The following TNS3 variants were observed in gnomAD, a reference collection of about 807,000 sequenced individuals.
The protein encoded by TNS3 is tensin 3, also known as tensin-3.
In TNS3, 45 loss-of-function variants were observed where a neutral mutation model predicts 140.9. The observed-to-expected ratio is 0.32, with a 90% CI of 0.25 to 0.41. TNS3 has a LOEUF of 0.41. Ranked by LOEUF, TNS3 falls within the 10% of genes least tolerant of loss-of-function variation. The pLI is 1.00. For synonymous variants in TNS3, 815 were observed against 788.4 expected (o/e 1.03, Z -0.56); for missense variants, 1,716 against 1,906.7 (o/e 0.90, Z 1.86).
chr7:47,529,188 T>C (rs976633971), intron 1 of TNS3, 41 bp from the exon 2 acceptor site: 4 of 1,087,566 alleles, frequency 3.7e-6, no homozygotes, highest in Non-Finnish European at 4.8e-6. Flanking sequence ...TTTCATCTCA[T>C]AGTTTGTTTC....
At chr7:47,415,294 G>A (rs1349475417) in intron 10 of TNS3, 88 bp from the exon 11 acceptor site, 2 of 889,198 alleles carry the variant, frequency 2.2e-6, no homozygotes, top group South Asian at 1.6e-5. Context: ...CATCCTGGCT[G>A]AGTCTGGGGC....
rs920109588 is a variant in TNS3 at position 47,407,353 on chromosome 7, T to A, written c.723+4374A>T. ...ACCTTCTGCCATGCTCAGTTCCACCTGCCCTAGCTATCTGCATGCTCATCT... is the reference window on the plus strand; with the variant it reads ...ACCTTCTGCCATGCTCAGTTCCACCAGCCCTAGCTATCTGCATGCTCATCT... On this transcript the variant is annotated intron_variant, in intron 13 of 30. Coordinates refer to ENST00000311160, the MANE Select transcript of TNS3 (RefSeq NM_022748.12). This position sits in a 1 kb window ranked among gnomAD's most constrained non-coding sequence, Gnocchi z 4.1. Among the ~76,000 whole-genome samples the A allele has an allele frequency of 4.6e-5, 7 of 152,202 alleles. No homozygotes were observed. Among genetic ancestry groups the A allele is most frequent in the African/African-American group, 1.4e-4 (6 of 41,466 alleles).
At chr7:47,462,844 G>A (rs760637853) in intron 4 of TNS3, among the ~76,000 whole-genome samples, 14 of 152,206 alleles carry the variant, frequency 9.2e-5, no homozygotes, top group South Asian at 2.1e-4. Context: ...CTGCCTCTCC[G>A]GTTTGTAAGC....
chr7:47,414,950 C>T (rs1793993214), intron 11 of TNS3, 144 bp downstream of exon 11: 2 of 636,948 alleles, frequency 3.1e-6, no homozygotes, highest in Non-Finnish European at 5.4e-6. Flanking sequence ...TGAAGGGGGA[C>T]CCAGTCAATC....
intron 10 of TNS3, among the ~76,000 whole-genome samples, chr7:47,420,733 C>T (rs1294553391): frequency 3.3e-5 from 5 of 152,160 alleles, no homozygotes; most frequent in Non-Finnish European, 7.3e-5. Flanking sequence ...TGTTCTAAAG[C>T]CTTTTAAAAT....
At chr7:47,278,282 C>T (rs1784961293) in intron 30 of TNS3, 62 bp from the exon 31 acceptor site, 4 of 1,551,514 alleles carry the variant, frequency 2.6e-6, no homozygotes, top group Middle Eastern at 2.2e-4. Flanking sequence ...CTTCTACTTC[C>T]TCCAGCTGCC....
chr7:47,511,560 C>T (rs767509439), intron 2 of TNS3, among the ~76,000 whole-genome samples: 14 of 138,778 alleles, frequency 1.0e-4, no homozygotes, highest in Non-Finnish European at 2.0e-4. Context: ...GACAAGAGCC[C>T]TTTAGGGTCT....
intron 13 of TNS3, among the ~76,000 whole-genome samples, chr7:47,411,481 C>T (rs1793764427): frequency 2.0e-5 from 3 of 152,210 alleles, no homozygotes; most frequent in African/African-American, 7.2e-5. Flanking sequence ...CGCCGCTGAT[C>T]TGACGGGAGG....
intron 13 of TNS3, among the ~76,000 whole-genome samples, chr7:47,409,331 G>GC (rs1793628046): frequency 6.8e-6 from 1 of 147,826 alleles, no homozygotes; most frequent in South Asian, 2.1e-4. Flanking sequence ...AGGGGAGAGG[G>GC]CCCCGCCTGG....
chr7:47,405,599 G>A (rs897796018), intron 13 of TNS3: 13 of 702,784 alleles, frequency 1.8e-5, no homozygotes, highest in Middle Eastern at 2.3e-4. Flanking sequence ...GGCTGCAAAC[G>A]AAAACACAAC....
chr7:47,383,920 G>A (rs1791920832), intron 16 of TNS3, among the ~76,000 whole-genome samples: 1 of 152,158 alleles, frequency 6.6e-6, no homozygotes, highest in Admixed American at 6.5e-5. Flanking sequence ...CTGGACTGCA[G>A]GTCAGAAAGT....
chr7:47,366,299 C>T (rs568216833), intron 17 of TNS3, among the ~76,000 whole-genome samples: 196 of 152,278 alleles, frequency 1.3e-3, no homozygotes, highest in African/African-American at 4.5e-3. Flanking sequence ...GTCCAATAAT[C>T]TACTCATGGG....
intron 1 of TNS3, among the ~76,000 whole-genome samples, chr7:47,557,372 T>C (rs1259929450): frequency 6.6e-6 from 1 of 152,166 alleles, no homozygotes; most frequent in African/African-American, 2.4e-5. Context: ...AAATGGACCT[T>C]TCTGTCCCAA....
intron 13 of TNS3, among the ~76,000 whole-genome samples, chr7:47,410,487 A>C (rs1468255883): frequency 6.6e-6 from 1 of 152,270 alleles, no homozygotes; most frequent in East Asian, 1.9e-4. Flanking sequence ...AGCATGTGAA[A>C]CAGGACAGAC....
At chr7:47,409,697 G>A (rs1793658069) in intron 13 of TNS3, among the ~76,000 whole-genome samples, 2 of 151,828 alleles carry the variant, frequency 1.3e-5, no homozygotes, top group South Asian at 2.1e-4. Flanking sequence ...TCGCTCTGTC[G>A]CCCAGGCTGG....
intron 22 of TNS3, among the ~76,000 whole-genome samples, chr7:47,302,636 G>A (rs1203335081): frequency 6.6e-6 from 1 of 152,198 alleles, no homozygotes; most frequent in Non-Finnish European, 1.5e-5. Context: ...AATTTGACAA[G>A]GAATTTGTTA....
At chr7:47,300,253 T>C (rs1786315360) in intron 23 of TNS3, among the ~76,000 whole-genome samples, 1 of 152,182 alleles carries the variant, frequency 6.6e-6, no homozygotes, top group Admixed American at 6.5e-5. Flanking sequence ...AGAAGGTTCG[T>C]CTGCACAGGT....
At position 47,276,593 on chromosome 7, in the gene TNS3, C is replaced by T. The variant is rs902692002; in HGVS notation, c.*1483G>A. The T allele has an allele frequency of 6.6e-6, 1 of 152,190 alleles. No homozygotes were observed. Among genetic ancestry groups the T allele is most frequent in the Admixed American group, 6.6e-5 (1 of 15,266 alleles). 9.4% of individuals were successfully genotyped at this position (152,190 alleles called of 1,614,324 possible). On this transcript the variant is annotated 3_prime_UTR_variant, in exon 31 of 31. Coordinates refer to ENST00000311160, the MANE Select transcript of TNS3 (RefSeq NM_022748.12). ...AGGCTGTGAGAGGATGGGGCCAAGG[C>T]CTTATTCTGATGTGGCCCAGCTCCA...
rs1562745639 is a variant in TNS3, at chr7:47,275,786, C to T, written c.*2290G>A. 2.2e-6 allele frequency: 1 copy of T among 455,564 alleles called. No homozygotes were observed. Among genetic ancestry groups the T allele is most frequent in the East Asian group, 7.0e-5 (1 of 14,388 alleles). 28.2% of individuals were successfully genotyped at this position (455,564 alleles called of 1,614,324 possible). A position where few individuals can be genotyped will look rare whatever the true frequency, so the allele number is the denominator to read the frequency against. ...GACCACGTTTACCTTGTGTAAAAAT[C>T]ACACCTGGCCAATGAGTTCAAAAAG... On this transcript the variant is annotated 3_prime_UTR_variant, in exon 31 of 31. Transcript: ENST00000311160.
Sources: gnomAD v4.1 joint callset for allele counts (sites outside exome capture counted in the v4.1 genomes callset) on GRCh38, gnomAD v4.1.1 for gene constraint, Gnocchi (gnomAD v3.1) non-coding constraint, MANE v1.5 for transcripts, NCBI Gene and HGNC (gene_info 2026-07-23, HGNC 2026-07-21) for gene names.